Variants in MIS18BP1 observed in about 807,000 individuals in gnomAD.
The protein encoded by MIS18BP1 is MIS18 binding protein 1.
In MIS18BP1, 72 loss-of-function variants were observed where a neutral mutation model predicts 116.1. The ratio of observed to expected loss-of-function variants is 0.62; its 90% CI spans 0.51 to 0.75. The LOEUF is 0.75. Ranked by LOEUF, MIS18BP1 falls within the 30% of genes least tolerant of loss-of-function variation. The probability of loss-of-function intolerance (pLI) is 0.00; values close to 1 mark genes in which losing one functional copy is unlikely to be tolerated. For missense variants in MIS18BP1, 1,363 were observed against 1,303.2 expected (o/e 1.05, Z -0.71); for synonymous variants, 386 against 427.0 (o/e 0.90, Z 1.18).
chr14:45,240,670 CTTTG>C (rs1056574259), intron 4 of MIS18BP1, among the ~76,000 whole-genome samples: 3 of 151,462 alleles, frequency 2.0e-5, no homozygotes, highest in Non-Finnish European at 4.4e-5. Flanking sequence ...AAAGATGGGC[CTTTG>C]TTTGCATGTT....
chr14:45,240,497 T>C (rs972692595), intron 4 of MIS18BP1, among the ~76,000 whole-genome samples: 1 of 151,778 alleles, frequency 6.6e-6, no homozygotes, highest in Admixed American at 6.6e-5. Context: ...TCCAGTGTCA[T>C]AGTTTTAAAT....
At chr14:45,221,844 T>C (rs1890985510) in intron 11 of MIS18BP1, among the ~76,000 whole-genome samples, 1 of 152,246 alleles carries the variant, frequency 6.6e-6, no homozygotes, top group Admixed American at 6.5e-5. Flanking sequence ...TGTGGTTTCC[T>C]ATAACTGTGG....
chr14:45,226,767 T>A lies in MIS18BP1; in HGVS notation c.1816A>T (p.Arg606Trp). 1 of 1,405,836 alleles carries A rather than the reference T, an allele frequency of 7.1e-7. No individual in the cohort carries two copies. Among genetic ancestry groups the A allele is most frequent in the Non-Finnish European group, 9.5e-7 (1 of 1,057,232 alleles). 87.1% of individuals were successfully genotyped at this position (1,405,836 alleles called of 1,614,324 possible). A position where few individuals can be genotyped will look rare whatever the true frequency, so the allele number is the denominator to read the frequency against. The change falls in exon 10 of 17, where the codon AGG (arginine) becomes TGG (tryptophan). Residue 606 changes from arginine to tryptophan, a missense_variant. Arg to Trp is a moderately radical substitution (Grantham distance 101). Transcript: ENST00000310806. ...CCTTGCTTCTGACTTTTTATTATCC[T>A]TTCATTTGTTCTTTCACCAATTTTT... ...KLKIGERTNE[R>W]IIKSQKQETT...
intron 1 of MIS18BP1, among the ~76,000 whole-genome samples, chr14:45,252,365 G>GA (rs1364459548): frequency 6.6e-6 from 1 of 152,090 alleles, no homozygotes; most frequent in East Asian, 1.9e-4. Context: ...AATTGAAAAA[G>GA]AAAGTAACAA....
At position 45,231,247 on chromosome 14, in the gene MIS18BP1, T is replaced by TG; in HGVS notation, c.1487_1488insC (p.Arg496SerfsTer5). ...TTGATTTCCTTATGTCACGGACAGA[T>TG]CTTCCAGTTTTCTGTTTTTGTTTGG... On this transcript the variant is annotated frameshift_variant, in exon 8 of 17. Coordinates refer to ENST00000310806, the MANE Select transcript of MIS18BP1 (RefSeq NM_018353.5). LOFTEE classifies it high-confidence loss of function. The TG allele has an allele frequency of 6.2e-7, 1 of 1,613,330 alleles. No homozygotes were observed. Among genetic ancestry groups the TG allele is most frequent in the Non-Finnish European group, 8.5e-7 (1 of 1,179,540 alleles).
At chr14:45,223,354 G>A (rs763958036) in intron 11 of MIS18BP1, among the ~76,000 whole-genome samples, 7 of 152,150 alleles carry the variant, frequency 4.6e-5, no homozygotes, top group Non-Finnish European at 2.9e-5. Context: ...CAAGGTGGGC[G>A]GATCATTAGG....
rs762729738 is a variant in MIS18BP1 at position 45,223,917 on chromosome 14, C to T, written c.2669+1G>A. 1.3e-6 allele frequency: 2 copies of T among 1,561,444 alleles called. No individual in the cohort carries two copies. Among genetic ancestry groups the T allele is most frequent in the Admixed American group, 2.0e-5 (1 of 49,312 alleles). ...TTTCGGAATGAAATCTAACTACTTA[C>T]CAATGAAGTTTCTGTAACTCCTTCT... On this transcript the variant is annotated splice_donor_variant, in intron 11 of 16. Transcript: ENST00000310806. LOFTEE classifies it high-confidence loss of function.
At chr14:45,252,718 A>C (rs1246427176) in intron 1 of MIS18BP1, among the ~76,000 whole-genome samples, 1 of 152,124 alleles carries the variant, frequency 6.6e-6, no homozygotes, top group Non-Finnish European at 1.5e-5. Flanking sequence ...CTGGGGTCCC[A>C]AGGGGAAGAG....
In MIS18BP1 at chr14:45,246,780, G is replaced by A; in HGVS notation, c.507C>T (p.Asn169=). The A allele has an allele frequency of 6.3e-7, 1 of 1,577,684 alleles. No individual in the cohort carries two copies. The highest frequency in any genetic ancestry group is 1.4e-5 in the African/African-American group (1 of 72,430). The stretch of plus-strand genomic sequence containing the variant: ...TGTCATCTGACTGGAATGATTTGTT[G>A]TTTTCCTTTTCTTCACATAGGTAGG... ...QHTYLCEEKE[N]NKSFQSDDSS... The change falls in exon 2 of 17, where the codon AAC becomes AAT. Residue 169 remains asparagine (N), a synonymous_variant. Coordinates refer to ENST00000310806, the MANE Select transcript of MIS18BP1 (RefSeq NM_018353.5).
At chr14:45,204,948 CCAG>C (rs1450246964) in intron 15 of MIS18BP1, among the ~76,000 whole-genome samples, 1 of 151,938 alleles carries the variant, frequency 6.6e-6, no homozygotes, top group Non-Finnish European at 1.5e-5. Flanking sequence ...ATGTTTTATA[CCAG>C]CAGAATTTTA....
chr14:45,249,155 G>A (rs989637620), intron 1 of MIS18BP1, among the ~76,000 whole-genome samples: 1 of 151,918 alleles, frequency 6.6e-6, no homozygotes, highest in African/African-American at 2.4e-5. Flanking sequence ...GCAGTGATGC[G>A]ATCTTGACTC....
intron 1 of MIS18BP1, among the ~76,000 whole-genome samples, chr14:45,250,556 T>A (rs780675166): frequency 6.6e-6 from 1 of 152,228 alleles, no homozygotes; most frequent in African/African-American, 2.4e-5. Context: ...CAAGAAATTG[T>A]TAGTTCCTCT....
At chr14:45,239,872 TGA>T (rs1388602315) in intron 4 of MIS18BP1, among the ~76,000 whole-genome samples, 1 of 152,062 alleles carries the variant, frequency 6.6e-6, no homozygotes, top group East Asian at 1.9e-4. Context: ...ATGTGGAGCA[TGA>T]GAGAGAAACA....
At chr14:45,209,378 G>C (rs922787687) in intron 14 of MIS18BP1, among the ~76,000 whole-genome samples, 5 of 151,802 alleles carry the variant, frequency 3.3e-5, no homozygotes, top group Non-Finnish European at 7.4e-5. Context: ...CCAGGATGGA[G>C]TGCAATTGTT....
At chr14:45,218,734 A>AT (rs1158513437) in intron 11 of MIS18BP1, among the ~76,000 whole-genome samples, 5 of 150,132 alleles carry the variant, frequency 3.3e-5, no homozygotes, top group East Asian at 2.0e-4. Context: ...GCCTTTCAAC[A>AT]TTTTTTTTTC....
rs761167664 is a variant in MIS18BP1, at chr14:45,235,889, T to G, written c.1273A>C (p.Asn425His). ...SNVIIERIEH[N>H]KLRTISGNVY... ...TTGCCTGATATAGTCCTAAGTTTGT[T>G]GTGCTCAATCCGCTCTATAATTACA... The change falls in exon 6 of 17, where the codon AAC becomes CAC. Residue 425 changes from asparagine (N) to histidine (H), a missense_variant. Asn to His is a moderately conservative substitution (Grantham distance 68). Transcript: ENST00000310806. 7 of 1,611,832 alleles carry G rather than the reference T, an allele frequency of 4.3e-6. No homozygotes were observed. Among genetic ancestry groups the G allele is most frequent in the Non-Finnish European group, 8.5e-7 (1 of 1,178,718 alleles).
In MIS18BP1 at chr14:45,231,158, A is replaced by G. The variant is rs777238483; in HGVS notation, c.1577T>C (p.Phe526Ser). Residue 526 changes from phenylalanine to serine, a missense_variant, in exon 8 of 17, where the codon TTT (phenylalanine) becomes TCT (serine). Phe to Ser is a radical substitution (Grantham distance 155, BLOSUM62 -2). Coordinates refer to ENST00000310806, the MANE Select transcript of MIS18BP1 (RefSeq NM_018353.5). ...TAQRATTTYD[F>S]DCDNLELKSN... ...AAACATACCCAAATTATCACAATCA[A>G]AATCGTAAGTGGTGGTGGCTCTTTG... The G allele has an allele frequency of 5.0e-6, 8 of 1,610,028 alleles. No homozygotes were observed. Among genetic ancestry groups the G allele is most frequent in the Non-Finnish European group, 6.8e-6 (8 of 1,179,068 alleles).
At chr14:45,243,843 G>A (rs537498870) in intron 2 of MIS18BP1, among the ~76,000 whole-genome samples, 2 of 152,220 alleles carry the variant, frequency 1.3e-5, no homozygotes, top group South Asian at 4.1e-4. Context: ...GTTTCTAAAA[G>A]TATATACAAA....
chr14:45,205,237 G>A (rs1890482500), intron 15 of MIS18BP1, among the ~76,000 whole-genome samples: 1 of 151,962 alleles, frequency 6.6e-6, no homozygotes, highest in African/African-American at 2.4e-5. Flanking sequence ...ATATCATTTA[G>A]ACCTCAAAAT....
Sources: allele counts gnomAD v4.1 joint callset (sites outside exome capture counted in the v4.1 genomes callset), GRCh38; gene constraint gnomAD v4.1.1; transcripts MANE v1.5; gene names NCBI Gene and HGNC (gene_info 2026-07-23, HGNC 2026-07-21).